WDFY4: variants seen among roughly 807,000 people sequenced by gnomAD.
The protein encoded by WDFY4 is WDFY family member 4.
In WDFY4, 169 loss-of-function variants were observed where a neutral mutation model predicts 351.9. The observed-to-expected ratio is 0.48, with a 90% CI of 0.42 to 0.55. The LOEUF is 0.55. WDFY4 is among the 20% of genes least tolerant of loss of function. The pLI, the probability that WDFY4 is intolerant of heterozygous loss-of-function variation, is 0.00. For synonymous variants in WDFY4, 1,622 were observed against 1,574.6 expected (o/e 1.03, Z -0.71); for missense variants, 3,803 against 3,935.6 (o/e 0.97, Z 0.90).
intron 57 of WDFY4, among the ~76,000 whole-genome samples, chr10:48,972,054 A>G (rs2131842881): frequency 6.6e-6 from 1 of 152,332 alleles, no homozygotes; most frequent in African/African-American, 2.4e-5. Context: ...ACACCCTCGT[A>G]TCGACCTCAT....
At chr10:48,975,114 C>T (rs1331974600) in intron 58 of WDFY4, 73 bp downstream of exon 58, 3 of 1,542,626 alleles carry the variant, frequency 1.9e-6, no homozygotes, top group Non-Finnish European at 2.6e-6. Flanking sequence ...CAGGAGAAAG[C>T]CCAGAGACAC....
At chr10:48,975,266 G>A in intron 58 of WDFY4, 1 of 666,710 alleles carries the variant, frequency 1.5e-6, no homozygotes, top group East Asian at 2.8e-5. Flanking sequence ...ACAGTGGGAA[G>A]TGTCTGCTTT....
intron 12 of WDFY4, among the ~76,000 whole-genome samples, chr10:48,747,970 C>G (rs1467359576): frequency 6.6e-6 from 1 of 152,222 alleles, no homozygotes; most frequent in Non-Finnish European, 1.5e-5. Flanking sequence ...GGGGTCTTAG[C>G]TGCCCTTTCC....
intron 51 of WDFY4, among the ~76,000 whole-genome samples, chr10:48,954,723 T>C (rs982739895): frequency 1.3e-5 from 2 of 152,212 alleles, no homozygotes; most frequent in Non-Finnish European, 2.9e-5. Context: ...TTCTAGGGAA[T>C]TTGGTGTTTT....
intron 35 of WDFY4, chr10:48,823,517 A>T: frequency 3.5e-6 from 4 of 1,130,406 alleles, no homozygotes; most frequent in Middle Eastern, 4.1e-4. Context: ...TTCTAGAGCC[A>T]TCTTCACTTG....
intron 52 of WDFY4, 43 bp downstream of exon 52, chr10:48,957,325 G>A: frequency 6.5e-7 from 1 of 1,537,320 alleles, no homozygotes; most frequent in Non-Finnish European, 8.8e-7. Context: ...GCGTTGCAGG[G>A]TGCTCTTTCC....
intron 57 of WDFY4, among the ~76,000 whole-genome samples, chr10:48,972,315 G>A (rs1036920463): frequency 3.4e-4 from 52 of 152,170 alleles, no homozygotes; most frequent in Admixed American, 3.2e-3. Context: ...ATACTGCAAC[G>A]TTAAAGAGAC....
chr10:48,901,678 G>A (rs1215416887), intron 46 of WDFY4, 123 bp from the exon 47 acceptor site: 3 of 1,041,690 alleles, frequency 2.9e-6, no homozygotes, highest in Non-Finnish European at 4.3e-6. Flanking sequence ...CGACCTGGGG[G>A]CAGGATGGAG....
chr10:48,895,184 G>A (rs998242985), intron 44 of WDFY4, among the ~76,000 whole-genome samples: 2 of 152,182 alleles, frequency 1.3e-5, no homozygotes, highest in Non-Finnish European at 2.9e-5. Context: ...AGCACAAGTC[G>A]AAGCTCTTAG....
At chr10:48,748,541 C>G (rs969796953) in intron 12 of WDFY4, among the ~76,000 whole-genome samples, 1 of 152,194 alleles carries the variant, frequency 6.6e-6, no homozygotes, top group Non-Finnish European at 1.5e-5. Context: ...TCTGACACGA[C>G]AGCCTGCAGT....
At chr10:48,727,265 A>G (rs552895740) in intron 6 of WDFY4, among the ~76,000 whole-genome samples, 1 of 152,130 alleles carries the variant, frequency 6.6e-6, no homozygotes, top group East Asian at 1.9e-4. Context: ...CTCCTGTGTC[A>G]CCTGCTGGGC....
intron 11 of WDFY4, among the ~76,000 whole-genome samples, chr10:48,740,857 G>A (rs2064829513): frequency 6.6e-6 from 1 of 152,218 alleles, no homozygotes; most frequent in Admixed American, 6.5e-5. Flanking sequence ...GAGAAGTGGT[G>A]AGGTATCACA....
intron 47 of WDFY4, chr10:48,910,776 G>T (rs974182102): frequency 7.5e-6 from 2 of 267,336 alleles, no homozygotes; most frequent in African/African-American, 2.3e-5. Context: ...TGAGTGTCAG[G>T]CCAGCCAAGC....
intron 39 of WDFY4, among the ~76,000 whole-genome samples, chr10:48,844,485 G>A (rs537012914): frequency 3.3e-5 from 5 of 152,086 alleles, no homozygotes; most frequent in East Asian, 3.9e-4. Context: ...CCAGCTACTC[G>A]GGAGGCTGAG....
At chr10:48,874,221 G>A (rs191427965) in intron 41 of WDFY4, among the ~76,000 whole-genome samples, 3 of 152,328 alleles carry the variant, frequency 2.0e-5, no homozygotes, top group South Asian at 4.1e-4. Flanking sequence ...GACTTCCCAA[G>A]CAACAGAATC....
intron 39 of WDFY4, among the ~76,000 whole-genome samples, chr10:48,863,961 A>G (rs1046068600): frequency 6.6e-6 from 1 of 152,122 alleles, no homozygotes; most frequent in African/African-American, 2.4e-5. Flanking sequence ...CTCACTCACT[A>G]TCACAAGAAC....
In WDFY4 at chr10:48,946,065, T is replaced by G; in HGVS notation, c.7775T>G (p.Ile2592Ser). 1 of 1,545,122 alleles carries G rather than the reference T, an allele frequency of 6.5e-7. No homozygotes were observed. Among genetic ancestry groups the G allele is most frequent in the Non-Finnish European group, 8.7e-7 (1 of 1,145,316 alleles). ...ACATTGAACTTGGCAAATCCGAAGA[T>G]TTTCCGGGATCTTTCAAAGCCCATG... is the stretch of plus-strand genomic sequence containing the variant. ...SETLNLANPKIFRDLSKPMGA... is the reference protein window; with the variant it reads ...SETLNLANPKSFRDLSKPMGA... Residue 2592 changes from isoleucine (I) to serine (S), a missense_variant, in exon 50 of 62, where the codon ATT becomes AGT. Physicochemically the swap from Ile to Ser is moderately radical, Grantham distance 142. Around this residue, in one of 3 missense-constraint regions of WDFY4, gnomAD observed 3,054 missense variants for 3,148.6 expected, o/e 0.97. Transcript: ENST00000325239.
chr10:48,761,676 T>A (rs1443624308), intron 13 of WDFY4, among the ~76,000 whole-genome samples: 1 of 152,136 alleles, frequency 6.6e-6, no homozygotes, highest in Non-Finnish European at 1.5e-5. Flanking sequence ...CAAGACGAAG[T>A]TGGAGTCAGC....
intron 24 of WDFY4, among the ~76,000 whole-genome samples, chr10:48,802,054 C>T (rs1245992834): frequency 6.6e-6 from 1 of 151,972 alleles, no homozygotes; most frequent in East Asian, 1.9e-4. Flanking sequence ...CTTAGTCTCC[C>T]TGAGTCCCAT....
Sources: gnomAD v4.1 joint callset for allele counts (sites outside exome capture counted in the v4.1 genomes callset) on GRCh38, gnomAD v4.1.1 for gene constraint, gnomAD v4.1.1 regional missense constraint, MANE v1.5 for transcripts, NCBI Gene and HGNC (gene_info 2026-07-23, HGNC 2026-07-21) for gene names.